The following OR2T6 variants were observed in gnomAD, a reference collection of about 807,000 sequenced individuals.
OR2T6 encodes olfactory receptor 2T6.
For synonymous variants in OR2T6, 174 were observed against 148.0 expected (o/e 1.18, Z -1.27); for missense variants, 424 against 391.6 (o/e 1.08, Z -0.70).
In OR2T6 at chr1:248,391,591, C is replaced by G. The variant is rs2103074597; in HGVS notation, c.*3056C>G. 1 of 152,216 alleles carries G rather than the reference C, an allele frequency of 6.6e-6. No homozygotes were observed. The highest frequency in any genetic ancestry group is 2.1e-4 in the South Asian group (1 of 4,822). 9.4% of individuals were successfully genotyped at this position (152,216 alleles called of 1,614,324 possible). ...TATTTGTGGAAAAAAACATACAACTCTGGAACAGAAAGACTCATCCTTATG... is the reference window on the plus strand; with the variant it reads ...TATTTGTGGAAAAAAACATACAACTGTGGAACAGAAAGACTCATCCTTATG... On this transcript the variant is annotated 3_prime_UTR_variant, in exon 3 of 3. Coordinates refer to ENST00000641644, the MANE Select transcript of OR2T6 (RefSeq NM_001005471.2).
intron 1 of OR2T6, among the ~76,000 whole-genome samples, chr1:248,381,739 T>C (rs940402677): frequency 2.0e-5 from 3 of 152,008 alleles, no homozygotes; most frequent in African/African-American, 7.2e-5. Context: ...TTACATTATT[T>C]TTAAATATAT....
At chr1:248,377,024 C>A (rs909763657) in intron 1 of OR2T6, among the ~76,000 whole-genome samples, 2 of 151,920 alleles carry the variant, frequency 1.3e-5, no homozygotes, top group East Asian at 3.9e-4. Flanking sequence ...TTTTTGTGAC[C>A]CATTTTGGAC....
At chr1:248,387,464 C>A in intron 2 of OR2T6, 141 bp from the exon 3 acceptor site, 1 of 463,680 alleles carries the variant, frequency 2.2e-6, no homozygotes, top group Non-Finnish European at 3.7e-6. Context: ...AGCTACAAAT[C>A]TACCACACCA....
chr1:248,378,170 A>G (rs1660969508), intron 1 of OR2T6, among the ~76,000 whole-genome samples: 1 of 152,148 alleles, frequency 6.6e-6, no homozygotes, highest in Non-Finnish European at 1.5e-5. Flanking sequence ...TAAAAGATGG[A>G]TTTTTTAAGT....
intron 1 of OR2T6, among the ~76,000 whole-genome samples, chr1:248,378,837 A>G (rs1660983464): frequency 6.6e-6 from 1 of 152,178 alleles, no homozygotes; most frequent in East Asian, 1.9e-4. Flanking sequence ...AAAGTTTAGC[A>G]TATTACCAGT....
intron 1 of OR2T6, among the ~76,000 whole-genome samples, chr1:248,379,096 G>A (rs1270192903): frequency 1.3e-5 from 2 of 152,160 alleles, no homozygotes; most frequent in African/African-American, 4.8e-5. Context: ...AATTGCTTGA[G>A]CCCAAAAGGT....
rs1558309598 is a variant in OR2T6, at chr1:248,391,574, G to A, written c.*3039G>A. Reference sequence around the variant, plus strand: ...TGCTACATGGTACTATGTATTTGTGGAAAAAAACATACAACTCTGGAACAG... The same window carrying A: ...TGCTACATGGTACTATGTATTTGTGAAAAAAAACATACAACTCTGGAACAG... On this transcript the variant is annotated 3_prime_UTR_variant, in exon 3 of 3. Transcript: ENST00000641644. 1 of 151,966 alleles carries A rather than the reference G, an allele frequency of 6.6e-6. No individual in the cohort carries two copies. The highest frequency in any genetic ancestry group is 1.5e-5 in the Non-Finnish European group (1 of 67,992). The allele number at this position is 151,966 out of a possible 1,614,324, so 9.4% of individuals were successfully genotyped here. A position where few individuals can be genotyped will look rare whatever the true frequency, so the allele number is the denominator to read the frequency against.
chr1:248,379,971 C>A (rs928182948), intron 1 of OR2T6, among the ~76,000 whole-genome samples: 2 of 152,034 alleles, frequency 1.3e-5, no homozygotes, highest in Non-Finnish European at 2.9e-5. Flanking sequence ...CCCGTTAACT[C>A]GTCATTTACA....
Position 248,390,887 on chromosome 1 carries a change from T to C in OR2T6, c.*2352T>C, listed in dbSNP as rs893411761. On this transcript the variant is annotated 3_prime_UTR_variant, in exon 3 of 3. Coordinates refer to ENST00000641644, the MANE Select transcript of OR2T6 (RefSeq NM_001005471.2). Reference sequence around the variant, plus strand: ...TTATAAAATTTGACTTAATACATACTTTTTTTCTTGTAAGATTTTAAAATC... The same window carrying C: ...TTATAAAATTTGACTTAATACATACCTTTTTTCTTGTAAGATTTTAAAATC... 1 of 152,224 alleles carries C rather than the reference T, an allele frequency of 6.6e-6. No homozygotes were observed. The highest frequency in any genetic ancestry group is 1.5e-5 in the Non-Finnish European group (1 of 68,038). 9.4% of individuals were successfully genotyped at this position (152,224 alleles called of 1,614,324 possible). A position where few individuals can be genotyped will look rare whatever the true frequency, so the allele number is the denominator to read the frequency against.
At chr1:248,379,335 A>C (rs1660993590) in intron 1 of OR2T6, among the ~76,000 whole-genome samples, 1 of 152,218 alleles carries the variant, frequency 6.6e-6, no homozygotes, top group Admixed American at 6.5e-5. Flanking sequence ...GTCTACAGTA[A>C]CCAGATGAAG....
At chr1:248,382,034 A>G (rs1460118205) in intron 1 of OR2T6, among the ~76,000 whole-genome samples, 1 of 152,218 alleles carries the variant, frequency 6.6e-6, no homozygotes, top group Non-Finnish European at 1.5e-5. Context: ...CCTTTCTATT[A>G]TTACAGAGCA....
At chr1:248,379,369 A>G (rs1237964471) in intron 1 of OR2T6, among the ~76,000 whole-genome samples, 1 of 152,152 alleles carries the variant, frequency 6.6e-6, no homozygotes, top group African/African-American at 2.4e-5. Flanking sequence ...CCAGGCAGAG[A>G]GAGCTCCTGA....
At chr1:248,381,298 T>G (rs1048805264) in intron 1 of OR2T6, among the ~76,000 whole-genome samples, 1 of 146,862 alleles carries the variant, frequency 6.8e-6, no homozygotes, top group African/African-American at 2.7e-5. Context: ...AAAAAAAATG[T>G]ATTTTTTTTT....
chr1:248,377,280 C>T (rs1013890272), intron 1 of OR2T6, among the ~76,000 whole-genome samples: 1 of 152,202 alleles, frequency 6.6e-6, no homozygotes, highest in Non-Finnish European at 1.5e-5. Context: ...TGTCACAATG[C>T]AATATCATAG....
chr1:248,380,353 G>A (rs1661010553), intron 1 of OR2T6, among the ~76,000 whole-genome samples: 1 of 151,594 alleles, frequency 6.6e-6, no homozygotes, highest in African/African-American at 2.4e-5. Flanking sequence ...ATGATGTTTT[G>A]TGTCATCCTT....
intron 1 of OR2T6, among the ~76,000 whole-genome samples, chr1:248,377,673 TGAA>T (rs1660958648): frequency 6.6e-6 from 1 of 152,326 alleles, no homozygotes; most frequent in African/African-American, 2.4e-5. Flanking sequence ...TGGAAAGGCA[TGAA>T]ATACAAAGTT....
chr1:248,390,639 C>T lies in OR2T6; in HGVS notation c.*2104C>T, dbSNP rs1339987. 0.47 allele frequency: 71,345 copies of T among 152,004 alleles called. 17,236 individuals are homozygous for T. Among genetic ancestry groups the T allele is most frequent in the Non-Finnish European group, 0.54 (36,681 of 67,982 alleles). The allele number at this position is 152,004 out of a possible 1,614,324, so 9.4% of individuals were successfully genotyped here. On this transcript the variant is annotated 3_prime_UTR_variant, in exon 3 of 3. Coordinates refer to ENST00000641644, the MANE Select transcript of OR2T6 (RefSeq NM_001005471.2). ...TTCCGAGGCTCTTCAGCTGGAGGCT[C>T]AACATCTCCTCAATCTTGTCAGACT... is the stretch of plus-strand genomic sequence containing the variant.
chr1:248,384,353 C>T (rs1306299596), intron 1 of OR2T6, among the ~76,000 whole-genome samples: 4 of 112,126 alleles, frequency 3.6e-5, no homozygotes, highest in Admixed American at 3.5e-4. Flanking sequence ...GGAGAAAGCA[C>T]TGCACTAGCC....
rs1661223548 is a variant in OR2T6, at chr1:248,390,142, C to T, written c.*1607C>T. The T allele has an allele frequency of 6.6e-6, 1 of 152,156 alleles. No homozygotes were observed. Among genetic ancestry groups the T allele is most frequent in the African/African-American group, 2.4e-5 (1 of 41,412 alleles). 9.4% of individuals were successfully genotyped at this position (152,156 alleles called of 1,614,324 possible). ...ATTTTTTAATTTGTTTAGTAGACAA[C>T]ACATCTTATCCTTGTTGGAAAAGTG... On this transcript the variant is annotated 3_prime_UTR_variant, in exon 3 of 3. Coordinates refer to ENST00000641644, the MANE Select transcript of OR2T6 (RefSeq NM_001005471.2).
Sources: gnomAD v4.1 joint callset for allele counts (sites outside exome capture counted in the v4.1 genomes callset) on GRCh38, gnomAD v4.1.1 for gene constraint, MANE v1.5 for transcripts, NCBI Gene and HGNC (gene_info 2026-07-23, HGNC 2026-07-21) for gene names.